Variants in PCDHGA3 observed in about 807,000 individuals in gnomAD.
The protein encoded by PCDHGA3 is protocadherin gamma-A3.
Under a neutral mutation model 58.5 loss-of-function variants are expected in PCDHGA3, and 40 were observed. That is an observed-to-expected ratio of 0.68 (90% CI 0.53 to 0.89). The LOEUF (loss-of-function observed/expected upper bound fraction) is 0.89. Ranked by LOEUF, PCDHGA3 falls within the 40% of genes least tolerant of loss-of-function variation. The probability of loss-of-function intolerance (pLI) is 0.00; values close to 1 mark genes in which losing one functional copy is unlikely to be tolerated. For synonymous variants in PCDHGA3, 530 were observed against 525.7 expected (o/e 1.01, Z -0.11); for missense variants, 1,223 against 1,195.9 (o/e 1.02, Z -0.33).
At chr5:141,346,531 G>A (rs1757767818) in intron 1 of PCDHGA3, 74 bp downstream of exon 1, 8 of 1,571,448 alleles carry the variant, frequency 5.1e-6, no homozygotes, top group Admixed American at 1.8e-5. Flanking sequence ...TAACACATAT[G>A]TATTTGAGAA....
chr5:141,370,057 C>T (rs180898728), intron 1 of PCDHGA3, among the ~76,000 whole-genome samples: 2 of 152,150 alleles, frequency 1.3e-5, no homozygotes, highest in Non-Finnish European at 2.9e-5. Flanking sequence ...TTTAAAAGTC[C>T]TTTTAAAATG....
intron 1 of PCDHGA3, chr5:141,388,895 T>C (rs2150370716): frequency 6.2e-7 from 1 of 1,613,946 alleles, no homozygotes; most frequent in Non-Finnish European, 8.5e-7. Flanking sequence ...AAGTCATAGA[T>C]GAAAATGACA....
rs1057107770 is a variant in PCDHGA3 at position 141,387,795 on chromosome 5, T to C, written c.2424+41338T>C. 28 of 1,499,168 alleles carry C rather than the reference T, an allele frequency of 1.9e-5. No homozygotes were observed. In the African/African-American group the frequency reaches 2.5e-4, roughly 13 times the overall value. The allele number at this position is 1,499,168 out of a possible 1,614,324, so 92.9% of individuals were successfully genotyped here. A position where few individuals can be genotyped will look rare whatever the true frequency, so the allele number is the denominator to read the frequency against. On this transcript the variant is annotated intron_variant, in intron 1 of 3. Transcript: ENST00000253812. ...TCTTGAACTGGAACTGCAACTAAAG[T>C]CCGTTCGGAGATCCAAAAATCTGCA... is the stretch of plus-strand genomic sequence containing the variant.
chr5:141,351,700 C>T (rs753470957), intron 1 of PCDHGA3: 2 of 1,613,956 alleles, frequency 1.2e-6, no homozygotes, highest in East Asian at 4.5e-5. Flanking sequence ...TGGGACCCAA[C>T]GGCAGAGTCT....
chr5:141,399,202 G>T, intron 1 of PCDHGA3: 1 of 1,613,914 alleles, frequency 6.2e-7, no homozygotes, highest in Non-Finnish European at 8.5e-7. Context: ...CGCGGTGCCT[G>T]GAACACTAAT....
chr5:141,365,091 A>C (rs1251688071), intron 1 of PCDHGA3: 1 of 1,613,870 alleles, frequency 6.2e-7, no homozygotes, highest in Admixed American at 1.7e-5. Context: ...GTTCCAGAGA[A>C]CATACCTGTG....
chr5:141,384,372 G>C, intron 1 of PCDHGA3: 1 of 1,613,854 alleles, frequency 6.2e-7, no homozygotes, highest in South Asian at 1.1e-5. Context: ...CTTATTCCTT[G>C]GCCGAAGACA....
In PCDHGA3 at chr5:141,487,494, C is replaced by T. The variant is rs116370895; in HGVS notation, c.2425-7313C>T. 12 of 1,614,120 alleles carry T rather than the reference C, an allele frequency of 7.4e-6. No individual in the cohort carries two copies. The East Asian group carries it at 1.1e-4, about 15-fold the overall frequency. On this transcript the variant is annotated intron_variant, in intron 1 of 3. Transcript: ENST00000253812. The surrounding 1 kb of genome is among the most constrained non-coding windows in gnomAD (Gnocchi z 5.0). Reference sequence around the variant, plus strand: ...GGAGGCCACTCTCATGGCTGTACACCCTTGGCTTCTGCACCCACTCGGAGT... The same window carrying T: ...GGAGGCCACTCTCATGGCTGTACACTCTTGGCTTCTGCACCCACTCGGAGT...
intron 1 of PCDHGA3, chr5:141,421,806 A>G: frequency 6.2e-7 from 1 of 1,613,842 alleles, no homozygotes; most frequent in Non-Finnish European, 8.5e-7. Context: ...CCAAGAATCC[A>G]GAGCTAGTAC....
chr5:141,478,040 C>G (rs773058963), intron 1 of PCDHGA3: 1 of 1,614,160 alleles, frequency 6.2e-7, no homozygotes, highest in Non-Finnish European at 8.5e-7. Context: ...TTCACCCAGG[C>G]AGACTCTCAC....
rs567934336 is a variant in PCDHGA3, at chr5:141,368,320, A to G, written c.2424+21863A>G. 5.3e-5 allele frequency among the ~76,000 whole-genome samples: 8 copies of G among 152,298 alleles called. No homozygotes were observed. The East Asian group carries it at 1.5e-3, about 29-fold the overall frequency. ...TTTAAACACTGTTAAAGAGCATTCA[A>G]GTATATCTATATCTATATACATATA... On this transcript the variant is annotated intron_variant, in intron 1 of 3. Transcript: ENST00000253812.
In PCDHGA3 at chr5:141,485,429, A is replaced by T. The variant is rs1388904857; in HGVS notation, c.2425-9378A>T. On this transcript the variant is annotated intron_variant, in intron 1 of 3. Transcript: ENST00000253812. This position sits in a 1 kb window ranked among gnomAD's most constrained non-coding sequence, Gnocchi z 5.7. Reference sequence around the variant, plus strand: ...GGATTTGGACAGCGGAGCCCTGCTCATCAAGAACCCAATCGACCGAGAGGC... The same window carrying T: ...GGATTTGGACAGCGGAGCCCTGCTCTTCAAGAACCCAATCGACCGAGAGGC... The T allele has an allele frequency of 6.2e-7, 1 of 1,614,090 alleles. No homozygotes were observed. Among genetic ancestry groups the T allele is most frequent in the Non-Finnish European group, 8.5e-7 (1 of 1,180,052 alleles).
At chr5:141,447,209 G>A (rs1004956165) in intron 1 of PCDHGA3, among the ~76,000 whole-genome samples, 3 of 151,850 alleles carry the variant, frequency 2.0e-5, no homozygotes, top group East Asian at 3.9e-4. Context: ...GCTTGATCTC[G>A]GCTCACTGCA....
chr5:141,443,029 C>A (rs1281303741), intron 1 of PCDHGA3, among the ~76,000 whole-genome samples: 1 of 152,192 alleles, frequency 6.6e-6, no homozygotes, highest in Admixed American at 6.5e-5. Flanking sequence ...AGTTGCCAGA[C>A]CTAAACTTTG....
Position 141,424,520 on chromosome 5 carries a change from A to T in PCDHGA3, c.2425-70287A>T, listed in dbSNP as rs527395935. ...GTATGGAAGGTTTTTTAATGTAGTA[A>T]ATCCATATATAGAAATAACTTGATT... is the stretch of plus-strand genomic sequence containing the variant. On this transcript the variant is annotated intron_variant, in intron 1 of 3. Coordinates refer to ENST00000253812, the MANE Select transcript of PCDHGA3 (RefSeq NM_018916.4). 15 of 152,286 alleles carry T rather than the reference A, an allele frequency of 9.8e-5. No individual in the cohort carries two copies. In the East Asian group the frequency reaches 2.9e-3, roughly 29 times the overall value. The allele number at this position is 152,286 out of a possible 1,614,324, so 9.4% of individuals were successfully genotyped here. A position where few individuals can be genotyped will look rare whatever the true frequency, so the allele number is the denominator to read the frequency against.
chr5:141,384,533 A>C, intron 1 of PCDHGA3: 2 of 1,614,240 alleles, frequency 1.2e-6, no homozygotes. Flanking sequence ...CTCAGCAGCA[A>C]CATGTCACTG....
In PCDHGA3 at chr5:141,343,994, CTG is replaced by C. The variant is rs761273948; in HGVS notation, c.-39_-38del. ...TAAGATTGGAGTCCGTCGTAGGAAA[CTG>C]GAACCGAATTCAGAGAAAGCGATTC... On this transcript the variant is annotated 5_prime_UTR_variant, in exon 1 of 4. Coordinates refer to ENST00000253812, the MANE Select transcript of PCDHGA3 (RefSeq NM_018916.4). 1.6e-5 allele frequency: 23 copies of C among 1,483,630 alleles called. No homozygotes were observed. In the South Asian group the frequency reaches 3.3e-4, roughly 21 times the overall value. The allele number at this position is 1,483,630 out of a possible 1,614,324, so 91.9% of individuals were successfully genotyped here.
rs757612658 is a variant in PCDHGA3 at position 141,344,717 on chromosome 5, C to T, written c.684C>T (p.Ile228=). The T allele has an allele frequency of 1.6e-5, 26 of 1,613,850 alleles. No homozygotes were observed. The East Asian group carries it at 5.8e-4, about 36-fold the overall frequency. Reference sequence around the variant, plus strand: ...CTGTCCACTCTGGCAACTTGCACATCCAAGTGATAGTCCTGGATGCAAATG... The same window carrying T: ...CTGTCCACTCTGGCAACTTGCACATTCAAGTGATAGTCCTGGATGCAAATG... ...GDPVHSGNLH[I]QVIVLDANDN... is the part of the protein sequence containing the mutation. The change falls in exon 1 of 4, where the codon ATC becomes ATT. Residue 228 remains isoleucine (I), a synonymous_variant. Coordinates refer to ENST00000253812, the MANE Select transcript of PCDHGA3 (RefSeq NM_018916.4).
intron 2 of PCDHGA3, among the ~76,000 whole-genome samples, chr5:141,496,008 C>CT (rs1468405718): frequency 2.0e-5 from 3 of 151,956 alleles, no homozygotes; most frequent in Non-Finnish European, 4.4e-5. Flanking sequence ...TTTATCTTGT[C>CT]TTTTTTCTCT....
Sources: gnomAD v4.1 joint callset for allele counts (sites outside exome capture counted in the v4.1 genomes callset) on GRCh38, gnomAD v4.1.1 for gene constraint, Gnocchi (gnomAD v3.1) non-coding constraint, MANE v1.5 for transcripts, NCBI Gene and HGNC (gene_info 2026-07-23, HGNC 2026-07-21) for gene names.